ACACA: variants seen among roughly 807,000 people sequenced by gnomAD.
The protein encoded by ACACA is acetyl-CoA carboxylase 1.
ACACA carries 103 observed loss-of-function variants against 296.1 expected under a neutral mutation model. The ratio of observed to expected loss-of-function variants is 0.35; its 90% confidence interval spans 0.30 to 0.41. The LOEUF (loss-of-function observed/expected upper bound fraction) is 0.41, where lower values mean the gene tolerates loss of function less well. Among genes scored for constraint, ACACA ranks in the 10% least tolerant of loss-of-function variants. The pLI, the probability that ACACA is intolerant of heterozygous loss-of-function variation, is 1.00. For missense variants in ACACA, 1,554 were observed against 2,989.7 expected, an observed-to-expected ratio of 0.52 and a Z score of 11.20; for synonymous variants, 953 against 1,038.6, an observed-to-expected ratio of 0.92 and a Z score of 1.58.
chr17:37,119,482 A>C (rs1004158464), intron 50 of ACACA, among the ~76,000 whole-genome samples: 5 of 152,106 alleles, frequency 3.3e-5, no homozygotes, highest in Admixed American at 6.6e-5. Flanking sequence ...TAATCTAAAA[A>C]ATATATACAA....
chr17:37,338,029 G>A (rs531212722), intron 2 of ACACA, among the ~76,000 whole-genome samples: 101 of 151,776 alleles, frequency 6.7e-4, no homozygotes, highest in Non-Finnish European at 1.1e-3. Context: ...CCCAGGGGGC[G>A]GAGCTTGCAG....
chr17:37,113,788 G>A lies in ACACA; in HGVS notation c.6275-523C>T, dbSNP rs1031896615. Among the ~76,000 whole-genome samples, 5 of 152,130 alleles carry A rather than the reference G, an allele frequency of 3.3e-5. No individual in the cohort carries two copies. Among genetic ancestry groups the A allele is most frequent in the African/African-American group, 1.2e-4 (5 of 41,432 alleles). ...TTCATCTTGGTATCCCGATATCCCT[G>A]CCCAGTGCCTGAACATAGTTAGTGC... On this transcript the variant is annotated intron_variant, in intron 50 of 55. Transcript: ENST00000616317. The surrounding 1 kb of genome is among the most constrained non-coding windows in gnomAD (Gnocchi z 4.0).
chr17:37,101,271 A>C (rs1454676572), intron 52 of ACACA, among the ~76,000 whole-genome samples: 1 of 152,222 alleles, frequency 6.6e-6, no homozygotes, highest in Non-Finnish European at 1.5e-5. Flanking sequence ...TATTCTTGTA[A>C]CTTTTTTGTG....
intron 41 of ACACA, among the ~76,000 whole-genome samples, chr17:37,174,535 T>A (rs1194820896): frequency 6.6e-6 from 1 of 152,118 alleles, no homozygotes; most frequent in Admixed American, 6.5e-5. Flanking sequence ...TTTTTCTTTT[T>A]CTTTTTCTTT....
At chr17:37,157,823 A>G (rs1174119019) in intron 42 of ACACA, among the ~76,000 whole-genome samples, 1 of 152,068 alleles carries the variant, frequency 6.6e-6, no homozygotes, top group Non-Finnish European at 1.5e-5. Context: ...AGGCATGAGC[A>G]TGAGCCACCA....
intron 25 of ACACA, among the ~76,000 whole-genome samples, chr17:37,226,770 A>G (rs1048642378): frequency 1.3e-5 from 2 of 152,190 alleles, no homozygotes; most frequent in Non-Finnish European, 2.9e-5. Flanking sequence ...GTAAGAAATA[A>G]TAGATATGTC....
intron 3 of ACACA, among the ~76,000 whole-genome samples, chr17:37,312,022 G>A (rs992389036): frequency 6.6e-6 from 1 of 151,920 alleles, no homozygotes; most frequent in Non-Finnish European, 1.5e-5. Context: ...AAACTGAGGT[G>A]AGGAGATCAC....
At position 37,151,402 on chromosome 17, in the gene ACACA, T is replaced by C. The variant is rs1212719610; in HGVS notation, c.5467A>G (p.Ile1823Val). The change falls in exon 44 of 56, where the codon ATT becomes GTT. Residue 1823 changes from isoleucine to valine, a missense_variant. Physicochemically the swap from Ile to Val is conservative, Grantham distance 29. Transcript: ENST00000616317. ...GGTCCAATTCCCTCTTCTTTCCCAA[T>C]AATATCTGTTATCTTGTACCTATTG... The part of the protein sequence containing the change: ...GESRYKITDI[I>V]GKEEGIGPEN... The C allele has an allele frequency of 6.2e-7, 1 of 1,613,758 alleles. No homozygotes were observed. The highest frequency in any genetic ancestry group is 8.5e-7 in the Non-Finnish European group (1 of 1,179,914).
rs1392881137 is a variant in ACACA at position 37,121,384 on chromosome 17, T to C, written c.6245A>G (p.Asn2082Ser). ...CATTCCACCAGAGAAGCCTCTCCAG[T>C]TGGCAAAGACCATCAGAGGCAGCCC... ...REGLPLMVFA[N>S]WRGFSGGMKD... is the part of the protein sequence containing the mutation. The change falls in exon 50 of 56, where the codon AAC becomes AGC. Residue 2082 changes from asparagine (N) to serine (S), a missense_variant. By Grantham distance (46) the Asn-to-Ser change is conservative. This residue lies in a region of ACACA where 553 missense variants were observed against 1,043.6 expected (regional missense o/e 0.53). Transcript: ENST00000616317. The C allele has an allele frequency of 6.2e-7, 1 of 1,614,100 alleles. No homozygotes were observed.
Position 37,168,505 on chromosome 17 carries a change from G to A in ACACA, c.5080-6455C>T, listed in dbSNP as rs534166011. Among the ~76,000 whole-genome samples, 64 of 151,470 alleles carry A rather than the reference G, an allele frequency of 4.2e-4. 1 individual carries two copies. In the South Asian group the frequency reaches 0.012, roughly 30 times the overall value. On this transcript the variant is annotated intron_variant, in intron 41 of 55. Coordinates refer to ENST00000616317, the MANE Select transcript of ACACA (RefSeq NM_198834.3). ...ATTATTTATGCCTACTTTAGTGTAC[G>A]TTTGAGCATTTCCATAACAAAAAAA...
At chr17:37,090,074 G>A (rs994443173) in intron 54 of ACACA, among the ~76,000 whole-genome samples, 67 of 152,204 alleles carry the variant, frequency 4.4e-4, no homozygotes, top group African/African-American at 1.6e-3. Context: ...GGGTGTGTTT[G>A]TTAGGGACTC....
At chr17:37,211,773 T>C (rs1375773380) in intron 29 of ACACA, among the ~76,000 whole-genome samples, 3 of 152,188 alleles carry the variant, frequency 2.0e-5, no homozygotes, top group Non-Finnish European at 4.4e-5. Context: ...CTCATGTGAT[T>C]TGTGAGTAGA....
intron 3 of ACACA, among the ~76,000 whole-genome samples, chr17:37,297,797 C>T (rs962280192): frequency 6.6e-6 from 1 of 152,052 alleles, no homozygotes; most frequent in African/African-American, 2.4e-5. Flanking sequence ...GTGATCCACC[C>T]GCCTTGGCCT....
At chr17:37,147,215 T>C (rs752928571) in intron 45 of ACACA, among the ~76,000 whole-genome samples, 5 of 152,236 alleles carry the variant, frequency 3.3e-5, no homozygotes, top group Non-Finnish European at 5.9e-5. Context: ...AGGTACATAC[T>C]ATGAGCAAAA....
rs143551380 is a variant in ACACA, at chr17:37,160,063, A to G, written c.5349+1718T>C. ...GCTTCAGTGGAATGGTAAGGGTGCA[A>G]GCTCAAGTGAAGTGGGTTCAAGAGG... On this transcript the variant is annotated intron_variant, in intron 42 of 55. Transcript: ENST00000616317. Among the ~76,000 whole-genome samples the G allele has an allele frequency of 5.4e-4, 83 of 152,352 alleles. 1 individual carries two copies. Among genetic ancestry groups the G allele is most frequent in the Admixed American group, 9.8e-4 (15 of 15,296 alleles).
At chr17:37,260,340 C>T (rs1244253554) in intron 11 of ACACA, among the ~76,000 whole-genome samples, 2 of 124,872 alleles carry the variant, frequency 1.6e-5, no homozygotes, top group African/African-American at 6.0e-5. Context: ...CGCTTTGTCA[C>T]CCACCCAGGA....
chr17:37,091,555 C>T (rs1039017194), intron 54 of ACACA, among the ~76,000 whole-genome samples: 1 of 152,282 alleles, frequency 6.6e-6, no homozygotes, highest in Non-Finnish European at 1.5e-5. Flanking sequence ...AGCAAGCTCC[C>T]TTCCACTGGG....
At chr17:37,299,859 G>T in intron 3 of ACACA, 1 of 938,120 alleles carries the variant, frequency 1.1e-6, no homozygotes, top group Non-Finnish European at 1.3e-6. Context: ...AAATCCAGAG[G>T]GAGGAGCACA....
intron 47 of ACACA, among the ~76,000 whole-genome samples, chr17:37,126,947 C>T (rs1003554971): frequency 1.3e-5 from 2 of 152,178 alleles, no homozygotes; most frequent in Non-Finnish European, 2.9e-5. Flanking sequence ...TCTGCTTTAA[C>T]TTATCACAGG....
Sources: gnomAD v4.1 joint callset for allele counts (sites outside exome capture counted in the v4.1 genomes callset) on GRCh38, gnomAD v4.1.1 for gene constraint, gnomAD v4.1.1 regional missense constraint, Gnocchi (gnomAD v3.1) non-coding constraint, MANE v1.5 for transcripts, NCBI Gene and HGNC (gene_info 2026-07-23, HGNC 2026-07-21) for gene names.